Variants in PIEZO1 observed in about 807,000 individuals in gnomAD.
PIEZO1 encodes the protein piezo type mechanosensitive ion channel component 1 (Er blood group).
A neutral mutation model predicts 297.2 loss-of-function variants in PIEZO1; 296 were observed. The ratio of observed to expected loss-of-function variants is 1.00; its 90% CI spans 0.91 to 1.10. PIEZO1 has a LOEUF of 1.10. Ranked by LOEUF, PIEZO1 falls within the 50% of genes least tolerant of loss-of-function variation. PIEZO1 has a pLI of 0.00. For synonymous variants in PIEZO1, 2,427 were observed against 1,507.5 expected, an observed-to-expected ratio of 1.61 and a Z score of -14.13; for missense variants, 5,018 against 3,455.5, an observed-to-expected ratio of 1.45 and a Z score of -11.34.
chr16:88,724,545 AAAG>A (rs1475912099), intron 30 of PIEZO1, among the ~76,000 whole-genome samples: 9 of 150,906 alleles, frequency 6.0e-5, no homozygotes, highest in African/African-American at 2.2e-4. Flanking sequence ...AAAAAAAAAA[AAAG>A]GCCTGGAGTG....
At position 88,725,050 on chromosome 16, in the gene PIEZO1, G is replaced by A. The variant is rs11645197; in HGVS notation, c.4193C>T (p.Pro1398Leu). The change falls in exon 30 of 51, where the codon CCA becomes CTA. Residue 1398 changes from proline (P) to leucine (L), a missense_variant. By Grantham distance (98) the Pro-to-Leu change is moderately conservative (BLOSUM62 -3). Transcript: ENST00000301015. ...GPDSPGGSSP[P>L]RRQWWRPWLD... The stretch of plus-strand genomic sequence containing the variant: ...CCAGGGCCGCCACCACTGCCTCCGT[G>A]GCGGGGAGGAGCCCCCTGGACTGTC... 451,766 of 1,496,412 alleles carry A rather than the reference G, an allele frequency of 0.3. 72,691 individuals are homozygous for A. The highest frequency in any genetic ancestry group is 0.34 in the South Asian group (25,765 of 76,022). The allele number at this position is 1,496,412 out of a possible 1,614,324, so 92.7% of individuals were successfully genotyped here. A position where few individuals can be genotyped will look rare whatever the true frequency, so the allele number is the denominator to read the frequency against.
rs1354131916 is a variant in PIEZO1, at chr16:88,721,997, C to T, written c.5025G>A (p.Leu1675=). The change falls in exon 37 of 51, where the codon CTG becomes CTA. Residue 1675 remains leucine, a synonymous_variant. Transcript: ENST00000301015. ...FAEGQGRALR[L]LRAVYQCVAA... The stretch of plus-strand genomic sequence containing the variant: ...CCACACACTGGTACACGGCCCGCAG[C>T]AGCCGCAGCGCCCGGCCCTGCCCCT... The T allele has an allele frequency of 7.1e-6, 11 of 1,549,320 alleles. No individual in the cohort carries two copies. The African/African-American group carries it at 1.4e-4, about 19-fold the overall frequency.
intron 2 of PIEZO1, among the ~76,000 whole-genome samples, chr16:88,748,959 C>CT (rs1906216984): frequency 7.8e-6 from 1 of 127,450 alleles, no homozygotes; most frequent in African/African-American, 2.9e-5. Context: ...AAAAAAAAGC[C>CT]GGGCGCGGTG....
At chr16:88,722,090 G>C (rs1354372995) in intron 36 of PIEZO1, 24 bp from the exon 37 acceptor site, 1 of 1,539,024 alleles carries the variant, frequency 6.5e-7, no homozygotes, top group Non-Finnish European at 8.8e-7. Context: ...CGCGTGTTTG[G>C]GGGAGTCTGG....
chr16:88,716,449 T>G lies in PIEZO1; in HGVS notation c.6961A>C (p.Asn2321His). The change falls in exon 48 of 51, where the codon AAC becomes CAC. Residue 2321 changes from asparagine to histidine, a missense_variant. Physicochemically the swap from Asn to His is moderately conservative, Grantham distance 68. Coordinates refer to ENST00000301015, the MANE Select transcript of PIEZO1 (RefSeq NM_001142864.4). ...GCCAGGGCCAGCATGTGCTTCTCGTTGGCATACTCCACAGTGCCTCCCTTC... is the reference window on the plus strand; with the variant it reads ...GCCAGGGCCAGCATGTGCTTCTCGTGGGCATACTCCACAGTGCCTCCCTTC... ...LAKGGTVEYA[N>H]EKHMLALAPN... 6.5e-7 allele frequency: 1 copy of G among 1,549,764 alleles called. No individual in the cohort carries two copies. The highest frequency in any genetic ancestry group is 8.7e-7 in the Non-Finnish European group (1 of 1,146,672).
At chr16:88,776,697 C>T (rs778886862) in intron 1 of PIEZO1, among the ~76,000 whole-genome samples, 10 of 152,164 alleles carry the variant, frequency 6.6e-5, no homozygotes, top group East Asian at 3.9e-4. Context: ...ATTCAGCAGA[C>T]GGGAGTGACC....
At chr16:88,756,763 G>A (rs139813565) in intron 1 of PIEZO1, among the ~76,000 whole-genome samples, 1,834 of 150,200 alleles carry the variant, frequency 0.012, 38 homozygotes, top group African/African-American at 0.042. Flanking sequence ...GCAAGATTCC[G>A]TCTCAAAAAA....
intron 1 of PIEZO1, among the ~76,000 whole-genome samples, chr16:88,764,216 C>G (rs915389111): frequency 6.6e-6 from 1 of 152,092 alleles, no homozygotes; most frequent in Non-Finnish European, 1.5e-5. Context: ...CCTTGAGACA[C>G]GGGGTCTCGG....
chr16:88,749,767 C>A (rs1906289388), intron 1 of PIEZO1, among the ~76,000 whole-genome samples: 1 of 152,214 alleles, frequency 6.6e-6, no homozygotes, highest in Non-Finnish European at 1.5e-5. Context: ...GTGGTTCACA[C>A]CTGTCATCCC....
intron 44 of PIEZO1, chr16:88,719,329 C>A: frequency 1.9e-6 from 1 of 530,466 alleles, no homozygotes; most frequent in Non-Finnish European, 3.4e-6. Flanking sequence ...AGGCCCTGCT[C>A]TGCTGCCAGC....
Position 88,732,461 on chromosome 16 carries a change from C to G in PIEZO1, c.2865G>C (p.Gln955His). Reference protein sequence around the residue: ...VYRRQEHYRRQHQLAPLPAQA... With the variant: ...VYRRQEHYRRHHQLAPLPAQA... ...GGGCAGGCAGCGGGGCCAGCTGGTGCTGCCGGCGGTAGTGCTCCTGGCGCC... is the reference window on the plus strand; with the variant it reads ...GGGCAGGCAGCGGGGCCAGCTGGTGGTGCCGGCGGTAGTGCTCCTGGCGCC... Residue 955 changes from glutamine (Q) to histidine (H), a missense_variant, in exon 21 of 51, where the codon CAG becomes CAC. By Grantham distance (24) the Gln-to-His change is conservative (BLOSUM62 0). Coordinates refer to ENST00000301015, the MANE Select transcript of PIEZO1 (RefSeq NM_001142864.4). The G allele has an allele frequency of 6.5e-7, 1 of 1,549,492 alleles. No individual in the cohort carries two copies. The highest frequency in any genetic ancestry group is 1.4e-5 in the African/African-American group (1 of 73,130).
intron 44 of PIEZO1, chr16:88,719,348 A>AG: frequency 1.8e-6 from 1 of 551,804 alleles, no homozygotes. Context: ...GCCTGCCTGG[A>AG]ACAGGACCAA....
Position 88,723,319 on chromosome 16 carries a change from G to A in PIEZO1, c.4345C>T (p.Gln1449Ter), listed in dbSNP as rs1177020127. Residue 1449 changes from glutamine (Q) to a stop codon, truncating the protein, a stop_gained, in exon 32 of 51, where the codon CAG becomes TAG. Coordinates refer to ENST00000301015, the MANE Select transcript of PIEZO1 (RefSeq NM_001142864.4). LOFTEE classifies it high-confidence loss of function. ...SAQSAFQLAY[Q>*]AWVTNAQAVL... is the part of the protein sequence containing the mutation. Reference sequence around the variant, plus strand: ...GCCTGGGCGTTGGTCACCCATGCCTGGTACGCCAGCTGTCGGCCAGCCCCC... The same window carrying A: ...GCCTGGGCGTTGGTCACCCATGCCTAGTACGCCAGCTGTCGGCCAGCCCCC... The A allele has an allele frequency of 6.5e-7, 1 of 1,538,392 alleles. No individual in the cohort carries two copies. The highest frequency in any genetic ancestry group is 2.0e-5 in the Admixed American group (1 of 50,986).
At chr16:88,781,362 G>A (rs1001917086) in intron 1 of PIEZO1, among the ~76,000 whole-genome samples, 7 of 152,208 alleles carry the variant, frequency 4.6e-5, no homozygotes, top group Admixed American at 1.3e-4. Context: ...CCAGTGACCC[G>A]CTGCGGGACG....
intron 2 of PIEZO1, chr16:88,743,163 G>T (rs924400728): frequency 2.2e-6 from 1 of 455,582 alleles, no homozygotes; most frequent in African/African-American, 2.0e-5. Flanking sequence ...CAGCCCCCCA[G>T]CAGGGAGGCC....
intron 12 of PIEZO1, 138 bp downstream of exon 12, chr16:88,736,010 G>A: frequency 2.4e-6 from 2 of 841,024 alleles, no homozygotes; most frequent in South Asian, 3.6e-5. Context: ...GCTGGCTCTG[G>A]GTGGGCAGAA....
At chr16:88,762,645 C>G (rs112745456) in intron 1 of PIEZO1, among the ~76,000 whole-genome samples, 3 of 152,330 alleles carry the variant, frequency 2.0e-5, no homozygotes, top group African/African-American at 7.2e-5. Context: ...TCTCGGGTCT[C>G]CCGGCAGCCC....
Position 88,721,213 on chromosome 16 carries a change from C to G in PIEZO1, c.5621G>C (p.Arg1874Thr). 1 of 1,530,646 alleles carries G rather than the reference C, an allele frequency of 6.5e-7. No homozygotes were observed. Among genetic ancestry groups the G allele is most frequent in the Non-Finnish European group, 8.8e-7 (1 of 1,140,336 alleles). The allele number at this position is 1,530,646 out of a possible 1,614,324, so 94.8% of individuals were successfully genotyped here. A position where few individuals can be genotyped will look rare whatever the true frequency, so the allele number is the denominator to read the frequency against. Reference protein sequence around the residue: ...RDTRRISLRFRRRKKEGPARK... With the variant: ...RDTRRISLRFTRRKKEGPARK... Reference sequence around the variant, plus strand: ...TGCTGGGCCCTCCTTCTTCCTTCTTCTAAAACGTAGACTGATGCGCCTCGT... The same window carrying G: ...TGCTGGGCCCTCCTTCTTCCTTCTTGTAAAACGTAGACTGATGCGCCTCGT... The change falls in exon 39 of 51, where the codon AGA becomes ACA. Residue 1874 changes from arginine (R) to threonine (T), a missense_variant. By Grantham distance (71) the Arg-to-Thr change is moderately conservative. Coordinates refer to ENST00000301015, the MANE Select transcript of PIEZO1 (RefSeq NM_001142864.4).
At chr16:88,723,052 G>C (rs529277042) in intron 33 of PIEZO1, 43 bp from the exon 34 acceptor site, 2 of 1,544,584 alleles carry the variant, frequency 1.3e-6, no homozygotes, top group East Asian at 4.9e-5. Context: ...CAGCCTGTGG[G>C]GCCAAGAGAG....
Sources: allele counts gnomAD v4.1 joint callset (sites outside exome capture counted in the v4.1 genomes callset), GRCh38; gene constraint gnomAD v4.1.1; transcripts MANE v1.5; gene names NCBI Gene and HGNC (gene_info 2026-07-23, HGNC 2026-07-21).